Variants in ARRDC5 observed in about 807,000 individuals in gnomAD.
The protein encoded by ARRDC5 is arrestin domain containing 5, also known as arrestin domain-containing protein 5.
ARRDC5 carries 12 observed loss-of-function variants against 13.3 expected under a neutral mutation model. The ratio of observed to expected loss-of-function variants is 0.90; its 90% CI spans 0.58 to 1.46. The LOEUF (loss-of-function observed/expected upper bound fraction) is 1.46, where lower values mean the gene tolerates loss of function less well. Among genes scored for constraint, ARRDC5 ranks in the 40% most tolerant of loss-of-function variants. The probability of loss-of-function intolerance (pLI) is 0.00; values close to 1 mark genes in which losing one functional copy is unlikely to be tolerated. For synonymous variants in ARRDC5, 181 were observed against 173.4 expected (o/e 1.04, Z -0.34); for missense variants, 406 against 418.7 (o/e 0.97, Z 0.26).
intron 2 of ARRDC5, among the ~76,000 whole-genome samples, chr19:4,893,197 CATATTATATAT>C (rs1045670475): frequency 8.7e-5 from 12 of 137,626 alleles, no homozygotes; most frequent in African/African-American, 1.3e-4. Flanking sequence ...AATAATATAA[CATATTATATAT>C]ATATTATATA....
upstream of ARRDC5, among the ~76,000 whole-genome samples, chr19:4,904,786 T>A (rs552478899): frequency 1.1e-4 from 16 of 152,306 alleles, no homozygotes; most frequent in Non-Finnish European, 1.2e-4. Context: ...GTTGAATGAC[T>A]TAATGACCTC....
chr19:4,891,460 G>A lies in ARRDC5; in HGVS notation c.573C>T (p.Val191=), dbSNP rs201796717. The A allele has an allele frequency of 1.1e-5, 18 of 1,613,758 alleles. 1 individual carries two copies. Among genetic ancestry groups the A allele is most frequent in the African/African-American group, 1.1e-4 (8 of 75,054 alleles). The change falls in exon 3 of 3, where the codon GTC becomes GTT. Residue 191 remains valine (V), a synonymous_variant. Coordinates refer to ENST00000650722, the MANE Select transcript of ARRDC5 (RefSeq NM_001080523.3). ...ERNTFTPGEK[V]VFTTEINNQT... ...GGTTGTTGATCTCTGTTGTGAAGACGACCTTCTCTCCTGGCGTGAAGGTGT... is the reference window on the plus strand; with the variant it reads ...GGTTGTTGATCTCTGTTGTGAAGACAACCTTCTCTCCTGGCGTGAAGGTGT...
chr19:4,908,816 G>C, the ARRDC5 span, among the ~76,000 whole-genome samples: 1 of 152,160 alleles, frequency 6.6e-6, no homozygotes, highest in Admixed American at 6.5e-5. Flanking sequence ...TACACCGCTG[G>C]GTTCTGCAGC....
At chr19:4,916,108 G>A in the ARRDC5 span, among the ~76,000 whole-genome samples, 6 of 151,844 alleles carry the variant, frequency 4.0e-5, no homozygotes, top group African/African-American at 1.5e-4. Flanking sequence ...GGGAGTTTGA[G>A]ACCAGCCTGG....
upstream of ARRDC5, among the ~76,000 whole-genome samples, chr19:4,907,554 G>T (rs1044612272): frequency 6.6e-6 from 1 of 151,968 alleles, no homozygotes; most frequent in African/African-American, 2.4e-5. Context: ...ACACGTGTGA[G>T]CCACCACGCC....
At chr19:4,893,182 AT>A (rs1277123066) in intron 2 of ARRDC5, among the ~76,000 whole-genome samples, 3 of 141,652 alleles carry the variant, frequency 2.1e-5, no homozygotes, top group Non-Finnish European at 3.0e-5. Flanking sequence ...TATATAATAT[AT>A]TATAATAATA....
At chr19:4,904,553 TCCA>T (rs2032025703), upstream of ARRDC5, among the ~76,000 whole-genome samples, 1 of 151,792 alleles carries the variant, frequency 6.6e-6, no homozygotes, top group Non-Finnish European at 1.5e-5. Flanking sequence ...GACCTCATGA[TCCA>T]CCCGCCTCAC....
intron 2 of ARRDC5, among the ~76,000 whole-genome samples, chr19:4,894,632 C>T (rs1189334873): frequency 4.1e-5 from 6 of 146,688 alleles, no homozygotes; most frequent in African/African-American, 7.6e-5. Context: ...TGCAGTGAGC[C>T]GAGATCGCGC....
the ARRDC5 span, among the ~76,000 whole-genome samples, chr19:4,915,416 T>C: frequency 6.6e-6 from 1 of 152,130 alleles, no homozygotes; most frequent in South Asian, 2.1e-4. Flanking sequence ...AAAACTTGAT[T>C]TATAAAAACA....
upstream of ARRDC5, among the ~76,000 whole-genome samples, chr19:4,907,325 A>G (rs965677672): frequency 6.6e-6 from 1 of 152,094 alleles, no homozygotes; most frequent in Non-Finnish European, 1.5e-5. Flanking sequence ...GCTGAAGTGC[A>G]GTGGCACGAT....
intron 2 of ARRDC5, among the ~76,000 whole-genome samples, chr19:4,894,078 AAAG>A (rs1193802668): frequency 6.4e-4 from 91 of 143,082 alleles, no homozygotes; most frequent in Admixed American, 1.4e-3. Flanking sequence ...GAAGAAGAAG[AAAG>A]AAGAAGAAGA....
upstream of ARRDC5, among the ~76,000 whole-genome samples, chr19:4,905,872 G>T (rs186713458): frequency 2.8e-3 from 431 of 152,294 alleles, 2 homozygotes; most frequent in Admixed American, 5.2e-3. Flanking sequence ...ATGTGGCCCA[G>T]GGAAGCCAAA....
intron 2 of ARRDC5, among the ~76,000 whole-genome samples, chr19:4,894,566 C>G (rs1268198964): frequency 6.9e-6 from 1 of 144,356 alleles, no homozygotes; most frequent in African/African-American, 2.6e-5. Flanking sequence ...TGCCTGTAGT[C>G]CCAGCTACTC....
chr19:4,915,901 T>A, the ARRDC5 span, among the ~76,000 whole-genome samples: 100 of 152,104 alleles, frequency 6.6e-4, 2 homozygotes, highest in South Asian at 0.02. Flanking sequence ...TGTGTTGGAG[T>A]CTTTCCAGGT....
the ARRDC5 span, chr19:4,909,304 C>T: frequency 5.7e-5 from 31 of 546,462 alleles, no homozygotes; most frequent in African/African-American, 4.3e-4. Context: ...GCTGGGCGCG[C>T]CCAGCAGAGC....
upstream of ARRDC5, chr19:4,903,039 T>TC: frequency 3.5e-6 from 1 of 286,602 alleles, no homozygotes; most frequent in Non-Finnish European, 6.1e-6. Context: ...CTTTTTTTTT[T>TC]TTTTTGAGAT....
At chr19:4,905,587 G>A (rs1001712685), upstream of ARRDC5, among the ~76,000 whole-genome samples, 23 of 151,346 alleles carry the variant, frequency 1.5e-4, no homozygotes, top group African/African-American at 5.3e-4. Context: ...GTGCAATCTC[G>A]GCTCACTGTA....
intron 1 of ARRDC5, among the ~76,000 whole-genome samples, chr19:4,899,463 T>C (rs1333593105): frequency 1.7e-4 from 26 of 150,482 alleles, no homozygotes; most frequent in Admixed American, 1.7e-3. Context: ...AAACCCTGTG[T>C]CTACTAAAAA....
At chr19:4,913,138 T>C in the ARRDC5 span, among the ~76,000 whole-genome samples, 1 of 152,098 alleles carries the variant, frequency 6.6e-6, no homozygotes, top group Non-Finnish European at 1.5e-5. Flanking sequence ...CCAAAACCCC[T>C]ATCTCCCCTC....
Sources: allele counts gnomAD v4.1 joint callset (sites outside exome capture counted in the v4.1 genomes callset), GRCh38; gene constraint gnomAD v4.1.1; transcripts MANE v1.5; gene names NCBI Gene and HGNC (gene_info 2026-07-23, HGNC 2026-07-21).